TCF12: variants seen among roughly 807,000 people sequenced by gnomAD.
TCF12 encodes the protein DNA-binding protein HTF4.
In TCF12, 45 loss-of-function variants were observed where a neutral mutation model predicts 86.0. The ratio of observed to expected loss-of-function variants is 0.52; its 90% CI spans 0.41 to 0.67. The LOEUF is 0.67. Ranked by LOEUF, TCF12 falls within the 30% of genes least tolerant of loss-of-function variation. The probability of loss-of-function intolerance (pLI) is 0.00; values close to 1 mark genes in which losing one functional copy is unlikely to be tolerated. For missense variants in TCF12, 881 were observed against 859.9 expected (o/e 1.02, Z -0.31); for synonymous variants, 330 against 299.6 (o/e 1.10, Z -1.05).
At chr15:57,086,571 A>T (rs75241871) in intron 4 of TCF12, among the ~76,000 whole-genome samples, 36 of 152,206 alleles carry the variant, frequency 2.4e-4, no homozygotes, top group Middle Eastern at 3.4e-3. Context: ...TTTAATAAGT[A>T]GGAGCCGTGC....
At chr15:57,148,886 G>T (rs778499324) in intron 5 of TCF12, among the ~76,000 whole-genome samples, 1 of 151,930 alleles carries the variant, frequency 6.6e-6, no homozygotes, top group Non-Finnish European at 1.5e-5. Flanking sequence ...AACAACAACA[G>T]AAAGCTCAAA....
In TCF12 at chr15:57,091,781, C is replaced by A. The variant is rs1812206051; in HGVS notation, c.223-8C>A. 3.1e-6 allele frequency: 5 copies of A among 1,608,134 alleles called. No homozygotes were observed. The highest frequency in any genetic ancestry group is 1.3e-5 in the African/African-American group (1 of 74,742). On this transcript the variant is annotated splice_polypyrimidine_tract_variant and splice_region_variant and intron_variant, in intron 4 of 20. Transcript: ENST00000333725. ...CTCTTTAATACTCTGATCTTTTTCT[C>A]CCCCTAGGGTTTTACAGACAGCCCT...
intron 3 of TCF12, among the ~76,000 whole-genome samples, chr15:57,016,116 G>A (rs2065140598): frequency 6.6e-6 from 1 of 152,204 alleles, no homozygotes; most frequent in African/African-American, 2.4e-5. Flanking sequence ...TTTATCTCTA[G>A]GATGGAGTCA....
intron 5 of TCF12, among the ~76,000 whole-genome samples, chr15:57,163,472 G>C (rs1199982301): frequency 6.6e-6 from 1 of 152,096 alleles, no homozygotes; most frequent in Non-Finnish European, 1.5e-5. Flanking sequence ...GGCTGAGGTA[G>C]GAGGGTTGCT....
intron 8 of TCF12, among the ~76,000 whole-genome samples, chr15:57,210,557 G>C (rs1044915064): frequency 2.0e-5 from 3 of 152,160 alleles, no homozygotes; most frequent in Non-Finnish European, 4.4e-5. Flanking sequence ...ATAGGAATTA[G>C]ATGAGAGCTA....
intron 4 of TCF12, among the ~76,000 whole-genome samples, chr15:57,086,418 C>A (rs1368482481): frequency 6.6e-6 from 1 of 151,618 alleles, no homozygotes; most frequent in Admixed American, 6.6e-5. Context: ...TGCCCCATGC[C>A]ACATAGCTTG....
chr15:57,215,656 G>GA (rs1238100853), intron 8 of TCF12, among the ~76,000 whole-genome samples: 1 of 152,082 alleles, frequency 6.6e-6, no homozygotes, highest in Non-Finnish European at 1.5e-5. Context: ...TATACAGTAA[G>GA]ATTAACCACT....
At chr15:57,077,381 A>ATTTTTTTT (rs11461802) in intron 4 of TCF12, among the ~76,000 whole-genome samples, 1 of 108,484 alleles carries the variant, frequency 9.2e-6, no homozygotes, top group African/African-American at 4.1e-5. Flanking sequence ...GTGTATATAT[A>ATTTTTTTT]TTTTTTTTTT....
downstream of TCF12, among the ~76,000 whole-genome samples, chr15:57,290,642 A>T (rs530330004): frequency 5.3e-5 from 8 of 152,298 alleles, no homozygotes; most frequent in East Asian, 1.5e-3. Context: ...CAGCCCAGTG[A>T]GGGTGTTCTG....
At chr15:56,964,939 G>A (rs936449523) in intron 3 of TCF12, among the ~76,000 whole-genome samples, 2 of 152,130 alleles carry the variant, frequency 1.3e-5, no homozygotes. Flanking sequence ...TATTTTTAAT[G>A]TTTGGTCCCA....
In TCF12 at chr15:57,078,691, T is replaced by C. The variant is rs1684910037; in HGVS notation, c.223-13098T>C. Reference sequence around the variant, plus strand: ...GATAGGTAAAAAAATAAGATGAGTGTTGAAGGAGAAAATGGGGGCTAAAAA... The same window carrying C: ...GATAGGTAAAAAAATAAGATGAGTGCTGAAGGAGAAAATGGGGGCTAAAAA... On this transcript the variant is annotated intron_variant, in intron 4 of 20. Transcript: ENST00000333725. Among the ~76,000 whole-genome samples, 3 of 152,238 alleles carry C rather than the reference T, an allele frequency of 2.0e-5. No homozygotes were observed. The South Asian group carries it at 6.2e-4, about 32-fold the overall frequency.
chr15:57,285,676 T>C (rs1279485273), intron 20 of TCF12, among the ~76,000 whole-genome samples: 1 of 152,220 alleles, frequency 6.6e-6, no homozygotes, highest in Non-Finnish European at 1.5e-5. Context: ...TATTGCCAAC[T>C]TGAGTGTTAT....
Position 57,247,516 on chromosome 15 carries a change from ATC to A in TCF12, c.1115-3833_1115-3832del. ...TCTGAACAACAATTTTATCAACTGT[ATC>A]ATGATCATCAAAAGTTATAAAAGCA... is the stretch of plus-strand genomic sequence containing the variant. On this transcript the variant is annotated intron_variant, in intron 13 of 20. Coordinates refer to ENST00000333725, the MANE Select transcript of TCF12 (RefSeq NM_207037.2). The A allele has an allele frequency of 1.5e-5, 13 of 861,854 alleles. No individual in the cohort carries two copies. In the South Asian group the frequency reaches 1.7e-4, roughly 11 times the overall value. 53.4% of individuals were successfully genotyped at this position (861,854 alleles called of 1,614,324 possible). A position where few individuals can be genotyped will look rare whatever the true frequency, so the allele number is the denominator to read the frequency against.
chr15:57,080,552 C>T (rs538932511), intron 4 of TCF12, among the ~76,000 whole-genome samples: 28 of 152,154 alleles, frequency 1.8e-4, no homozygotes, highest in Non-Finnish European at 3.7e-4. Context: ...TTCAGTACTG[C>T]AGAACGAATC....
intron 5 of TCF12, among the ~76,000 whole-genome samples, chr15:57,137,205 A>G (rs1402287968): frequency 6.6e-6 from 1 of 151,932 alleles, no homozygotes; most frequent in Non-Finnish European, 1.5e-5. Flanking sequence ...CAAGGTCTCA[A>G]TCTCCTGACC....
At chr15:57,012,677 C>G (rs1160639056) in intron 3 of TCF12, among the ~76,000 whole-genome samples, 1 of 152,174 alleles carries the variant, frequency 6.6e-6, no homozygotes, top group East Asian at 1.9e-4. Flanking sequence ...ACTAAGTCCT[C>G]AGCTGGACTT....
chr15:57,269,655 G>A (rs112296663), intron 18 of TCF12, among the ~76,000 whole-genome samples: 1 of 151,966 alleles, frequency 6.6e-6, no homozygotes, highest in Non-Finnish European at 1.5e-5. Context: ...TAGCATCGAT[G>A]GTCTTTACAA....
intron 3 of TCF12, among the ~76,000 whole-genome samples, chr15:56,923,234 C>A (rs1265038573): frequency 6.6e-6 from 1 of 151,918 alleles, no homozygotes; most frequent in African/African-American, 2.4e-5. Context: ...TTTTGAGAAA[C>A]GATATATAAT....
At chr15:57,254,359 A>T (rs1034655254) in intron 16 of TCF12, among the ~76,000 whole-genome samples, 1 of 152,186 alleles carries the variant, frequency 6.6e-6, no homozygotes, top group Non-Finnish European at 1.5e-5. Context: ...ACACATACAT[A>T]CACTCATTTT....
Sources: gnomAD v4.1 joint callset for allele counts (sites outside exome capture counted in the v4.1 genomes callset) on GRCh38, gnomAD v4.1.1 for gene constraint, MANE v1.5 for transcripts, NCBI Gene and HGNC (gene_info 2026-07-23, HGNC 2026-07-21) for gene names.